ABCA10: variants seen among roughly 807,000 people sequenced by gnomAD.
ABCA10 encodes the protein ATP-binding cassette sub-family A member 10.
In ABCA10, 169 loss-of-function variants were observed where a neutral mutation model predicts 187.5. The ratio of observed to expected loss-of-function variants is 0.90; its 90% CI spans 0.80 to 1.02. ABCA10 has a LOEUF of 1.02. Ranked by LOEUF, ABCA10 falls within the 50% of genes least tolerant of loss-of-function variation. The probability of loss-of-function intolerance (pLI) is 0.00; values close to 1 mark genes in which losing one functional copy is unlikely to be tolerated. For missense variants in ABCA10, 1,727 were observed against 1,812.4 expected, an observed-to-expected ratio of 0.95 and a Z score of 0.86; for synonymous variants, 574 against 601.8, an observed-to-expected ratio of 0.95 and a Z score of 0.68.
At chr17:69,164,819 T>C (rs1423009375) in intron 26 of ABCA10, 145 bp downstream of exon 26, 5 of 1,099,790 alleles carry the variant, frequency 4.5e-6, no homozygotes, top group Middle Eastern at 4.3e-4. Context: ...TTCAATTTTA[T>C]ACAGCTTTAA....
intron 9 of ABCA10, 47 bp downstream of exon 9, chr17:69,214,657 G>T: frequency 7.3e-7 from 1 of 1,372,906 alleles, no homozygotes; most frequent in Non-Finnish European, 9.6e-7. Context: ...CATGTTTTAA[G>T]AAACAGAATT....
chr17:69,162,615 A>G (rs2074225054), intron 27 of ABCA10, among the ~76,000 whole-genome samples: 1 of 152,066 alleles, frequency 6.6e-6, no homozygotes, highest in Admixed American at 6.6e-5. Flanking sequence ...CTCCTTCTGA[A>G]TTCTTTTTGT....
intron 3 of ABCA10, chr17:69,223,732 C>T: frequency 2.5e-6 from 1 of 405,378 alleles, no homozygotes. Context: ...AAAATACTGT[C>T]AAGGCCAAAC....
Position 69,155,701 on chromosome 17 carries a change from TAAAGAAAC to T in ABCA10, c.3576+96_3576+103del, listed in dbSNP as rs2074168337. On this transcript the variant is annotated intron_variant, in intron 29 of 38. Coordinates refer to ENST00000690296, the MANE Select transcript of ABCA10 (RefSeq NM_001377321.1). The stretch of plus-strand genomic sequence containing the variant: ...GAATATAAGCTATAAATAGAAATAT[TAAAGAAAC>T]TAAAGCAGCTTTTCAAAATAAAAAC... 1.8e-5 allele frequency: 25 copies of T among 1,369,092 alleles called. No homozygotes were observed. The South Asian group carries it at 3.6e-4, about 20-fold the overall frequency. 84.8% of individuals were successfully genotyped at this position (1,369,092 alleles called of 1,614,324 possible).
At chr17:69,219,471 C>A in intron 6 of ABCA10, 74 bp downstream of exon 6, 1 of 1,178,636 alleles carries the variant, frequency 8.5e-7, no homozygotes, top group South Asian at 2.1e-5. Context: ...TGAGTGCGTC[C>A]AATTTTTTAA....
chr17:69,213,272 A>G (rs2074674272), intron 9 of ABCA10, among the ~76,000 whole-genome samples: 1 of 151,998 alleles, frequency 6.6e-6, no homozygotes, highest in Non-Finnish European at 1.5e-5. Context: ...AGAGCTCCCA[A>G]GAGTTTGTGT....
chr17:69,191,412 A>T, intron 16 of ABCA10, 97 bp from the exon 17 acceptor site: 1 of 1,222,930 alleles, frequency 8.2e-7, no homozygotes, highest in South Asian at 2.9e-5. Context: ...TATGTATTAC[A>T]GGCATATTCT....
chr17:69,244,696 C>G lies in ABCA10; in HGVS notation c.-760G>C, dbSNP rs554072087. Reference sequence around the variant, plus strand: ...AAAATTAATGCCTATTTACATGTTACACAAAAATACAGTATGGTATTTTAA... The same window carrying G: ...AAAATTAATGCCTATTTACATGTTAGACAAAAATACAGTATGGTATTTTAA... On this transcript the variant is annotated 5_prime_UTR_variant, in exon 1 of 40. Coordinates refer to the ABCA10 transcript ENST00000269081. The G allele has an allele frequency of 2.6e-5, 4 of 151,422 alleles. No homozygotes were observed. In the South Asian group the frequency reaches 8.3e-4, roughly 31 times the overall value. 9.4% of individuals were successfully genotyped at this position (151,422 alleles called of 1,614,324 possible). A position where few individuals can be genotyped will look rare whatever the true frequency, so the allele number is the denominator to read the frequency against.
chr17:69,194,744 C>T (rs953960360), intron 11 of ABCA10, among the ~76,000 whole-genome samples: 1 of 152,060 alleles, frequency 6.6e-6, no homozygotes, highest in African/African-American at 2.4e-5. Context: ...CTTTGAATGT[C>T]AAAGAATCTA....
At chr17:69,201,749 C>A in intron 9 of ABCA10, 81 bp from the exon 10 acceptor site, 1 of 1,127,876 alleles carries the variant, frequency 8.9e-7, no homozygotes. Flanking sequence ...TACTTGATAT[C>A]AATTTTGAAC....
chr17:69,185,128 A>G (rs1484374293), intron 20 of ABCA10, among the ~76,000 whole-genome samples: 3 of 152,014 alleles, frequency 2.0e-5, no homozygotes, highest in African/African-American at 7.2e-5. Flanking sequence ...GAATGATACA[A>G]TGGATTTTGA....
rs866432129 is a variant in ABCA10 at position 69,154,174 on chromosome 17, T to C, written c.3786+61A>G. 25 of 1,469,862 alleles carry C rather than the reference T, an allele frequency of 1.7e-5. No individual in the cohort carries two copies. The Middle Eastern group carries it at 1.8e-3, about 107-fold the overall frequency. The allele number at this position is 1,469,862 out of a possible 1,614,324, so 91.1% of individuals were successfully genotyped here. ...TTTAAAAAGATATTTGATTTACTGA[T>C]AGGAATAATAGAAAGATGTCATCAA... On this transcript the variant is annotated intron_variant, in intron 31 of 38. Coordinates refer to ENST00000690296, the MANE Select transcript of ABCA10 (RefSeq NM_001377321.1).
At position 69,163,995 on chromosome 17, in the gene ABCA10, T is replaced by A. The variant is rs557326987; in HGVS notation, c.3363+79A>T. The A allele has an allele frequency of 2.6e-5, 29 of 1,128,690 alleles. No homozygotes were observed. The South Asian group carries it at 5.2e-4, about 20-fold the overall frequency. The allele number at this position is 1,128,690 out of a possible 1,614,324, so 69.9% of individuals were successfully genotyped here. A position where few individuals can be genotyped will look rare whatever the true frequency, so the allele number is the denominator to read the frequency against. On this transcript the variant is annotated intron_variant, in intron 27 of 38. Coordinates refer to ENST00000690296, the MANE Select transcript of ABCA10 (RefSeq NM_001377321.1). ...GAGTGGGTATTTTAAGACATTTAAA[T>A]TTGGCATACCTTGAATAAGATTTCA...
chr17:69,213,206 C>T (rs2074673650), intron 9 of ABCA10, among the ~76,000 whole-genome samples: 1 of 152,116 alleles, frequency 6.6e-6, no homozygotes, highest in Non-Finnish European at 1.5e-5. Flanking sequence ...GCTGCTGTAG[C>T]GCCCTACAGT....
intron 3 of ABCA10, 52 bp from the exon 4 acceptor site, chr17:69,222,749 G>A (rs1404442853): frequency 2.7e-6 from 4 of 1,462,120 alleles, no homozygotes; most frequent in South Asian, 1.5e-5. Flanking sequence ...TATTACTAGA[G>A]GACACAAAAA....
At chr17:69,229,470 A>C (rs1365945787), upstream of ABCA10, among the ~76,000 whole-genome samples, 1 of 151,958 alleles carries the variant, frequency 6.6e-6, no homozygotes, top group Admixed American at 6.6e-5. Flanking sequence ...CTACAACTAA[A>C]TTGGATATTC....
chr17:69,161,543 C>T (rs750389068), intron 27 of ABCA10, among the ~76,000 whole-genome samples: 1 of 152,272 alleles, frequency 6.6e-6, no homozygotes, highest in East Asian at 1.9e-4. Flanking sequence ...ACGAAAGCCG[C>T]TTCTAGGCCT....
intron 1 of ABCA10, among the ~76,000 whole-genome samples, chr17:69,237,499 A>G (rs951194491): frequency 1.3e-5 from 2 of 152,164 alleles, no homozygotes; most frequent in Admixed American, 1.3e-4. Context: ...TTTAACACGG[A>G]AATATTATAA....
chr17:69,180,202 T>A (rs564020002), intron 22 of ABCA10, among the ~76,000 whole-genome samples: 2 of 152,304 alleles, frequency 1.3e-5, no homozygotes, highest in South Asian at 4.1e-4. Flanking sequence ...GCAGTTCCCA[T>A]CTTGCAGAAG....
Sources: gnomAD v4.1 joint callset for allele counts (sites outside exome capture counted in the v4.1 genomes callset) on GRCh38, gnomAD v4.1.1 for gene constraint, MANE v1.5 for transcripts, NCBI Gene and HGNC (gene_info 2026-07-23, HGNC 2026-07-21) for gene names.